KIF21B: variants seen among roughly 807,000 people sequenced by gnomAD.
KIF21B encodes kinesin-like protein KIF21B.
A neutral mutation model predicts 192.9 loss-of-function variants in KIF21B; 85 were observed. The ratio of observed to expected loss-of-function variants is 0.44; its 90% CI spans 0.37 to 0.53. The LOEUF (loss-of-function observed/expected upper bound fraction) is 0.53, where lower values mean the gene tolerates loss of function less well. Among genes scored for constraint, KIF21B ranks in the 20% least tolerant of loss-of-function variants. The pLI is 0.00. For missense variants in KIF21B, 1,716 were observed against 2,194.8 expected (o/e 0.78, Z 4.36); for synonymous variants, 832 against 884.6 (o/e 0.94, Z 1.05).
Position 200,998,597 on chromosome 1 carries a change from C to T in KIF21B, c.1886-22G>A. Reference sequence around the variant, plus strand: ...ACCTCTATGGGGGCACAATCAGGCTCAGCCCAGCGTTAGGGCGAGGGGCAA... The same window carrying T: ...ACCTCTATGGGGGCACAATCAGGCTTAGCCCAGCGTTAGGGCGAGGGGCAA... On this transcript the variant is annotated intron_variant, in intron 13 of 34. Transcript: ENST00000461742. The surrounding 1 kb of genome is among the most constrained non-coding windows in gnomAD (Gnocchi z 4.3). 1 of 1,609,148 alleles carries T rather than the reference C, an allele frequency of 6.2e-7. No individual in the cohort carries two copies.
In KIF21B at chr1:200,979,517, C is replaced by G. The variant is rs556968576; in HGVS notation, c.4160+18G>C. ...CCTGCTGCAGCCGACCACTGTGAGG[C>G]AGGCGGGGGTTACTCACGTGAGAGT... On this transcript the variant is annotated intron_variant, in intron 30 of 34. Coordinates refer to ENST00000461742, the MANE Select transcript of KIF21B (RefSeq NM_001252102.2). The G allele has an allele frequency of 8.6e-6, 13 of 1,507,548 alleles. No homozygotes were observed. The African/African-American group carries it at 1.6e-4, about 18-fold the overall frequency. 93.4% of individuals were successfully genotyped at this position (1,507,548 alleles called of 1,614,324 possible).
intron 28 of KIF21B, 30 bp downstream of exon 28, chr1:200,983,026 A>G (rs1197528984): frequency 2.0e-6 from 3 of 1,533,190 alleles, no homozygotes; most frequent in Non-Finnish European, 1.7e-6. Flanking sequence ...GAGAGTGGGG[A>G]ACCAAACACG....
At chr1:200,973,986 A>C (rs1402229632) in intron 34 of KIF21B, 38 of 1,550,616 alleles carry the variant, frequency 2.5e-5, no homozygotes, top group Non-Finnish European at 2.7e-5. Context: ...AAGAAGAAGG[A>C]GTAAAATAAT....
At chr1:200,992,479 G>A in intron 15 of KIF21B, 90 bp from the exon 16 acceptor site, 1 of 1,343,686 alleles carries the variant, frequency 7.4e-7, no homozygotes, top group Non-Finnish European at 1.1e-6. Flanking sequence ...GAGGGCATGG[G>A]GCAGGGATAG....
intron 27 of KIF21B, among the ~76,000 whole-genome samples, chr1:200,983,742 T>C (rs1298958673): frequency 6.6e-6 from 1 of 152,128 alleles, no homozygotes; most frequent in Non-Finnish European, 1.5e-5. Context: ...CTGTTGATTG[T>C]AACAACATGG....
chr1:200,987,298 G>A (rs963760562), intron 24 of KIF21B, 97 bp from the exon 25 acceptor site: 9 of 1,112,984 alleles, frequency 8.1e-6, no homozygotes, highest in Middle Eastern at 2.2e-4. Flanking sequence ...TTGAGACAGT[G>A]GTGCAAACAT....
intron 30 of KIF21B, among the ~76,000 whole-genome samples, 178 bp downstream of exon 30, chr1:200,979,357 C>CTTGT (rs1242650312): frequency 6.6e-6 from 1 of 152,186 alleles, no homozygotes; most frequent in East Asian, 1.9e-4. Flanking sequence ...CACTGTCTCC[C>CTTGT]AAACCAAGAG....
chr1:200,972,037 A>G lies in KIF21B; in HGVS notation c.*1484T>C, dbSNP rs543504412. On this transcript the variant is annotated 3_prime_UTR_variant, in exon 35 of 35. Transcript: ENST00000461742. ...ACAAGACCAGCGATGCAACGGAAAA[A>G]CAGGGTGGGCAACTTTGGGTGGGGG... The G allele has an allele frequency of 2.2e-5, 3 of 137,142 alleles. No homozygotes were observed. Among genetic ancestry groups the G allele is most frequent in the Non-Finnish European group, 4.7e-5 (3 of 63,950 alleles). 8.5% of individuals were successfully genotyped at this position (137,142 alleles called of 1,614,324 possible).
Position 200,976,870 on chromosome 1 carries a change from G to C in KIF21B, c.4349C>G (p.Thr1450Ser). 1 of 1,611,164 alleles carries C rather than the reference G, an allele frequency of 6.2e-7. No homozygotes were observed. The highest frequency in any genetic ancestry group is 8.5e-7 in the Non-Finnish European group (1 of 1,177,792). Residue 1450 changes from threonine (T) to serine (S), a missense_variant, in exon 32 of 35, where the codon ACT becomes AGT. Around this residue, in one of 3 missense-constraint regions of KIF21B, gnomAD observed 580 missense variants for 775.5 expected, o/e 0.75. Coordinates refer to ENST00000461742, the MANE Select transcript of KIF21B (RefSeq NM_001252102.2). ...GCACATCACAGGGCCGATGTGGCCA[G>C]TCAGCTTGCCGACAGGCTGGAACCT... ...LSRFQPVGKL[T>S]GHIGPVMCLT...
rs545484877 is a variant in KIF21B, at chr1:200,982,604, C to T, written c.3842+452G>A. On this transcript the variant is annotated intron_variant, in intron 28 of 34. Coordinates refer to ENST00000461742, the MANE Select transcript of KIF21B (RefSeq NM_001252102.2). The surrounding 1 kb of genome is among the most constrained non-coding windows in gnomAD (Gnocchi z 4.7). Reference sequence around the variant, plus strand: ...CCCATGGTGCCCCTCCCAGAGCCAACGTCTGAAAAGCTCACCCCCAGCACA... The same window carrying T: ...CCCATGGTGCCCCTCCCAGAGCCAATGTCTGAAAAGCTCACCCCCAGCACA... Among the ~76,000 whole-genome samples the T allele has an allele frequency of 1.6e-3, 239 of 152,196 alleles. No homozygotes were observed. The highest frequency in any genetic ancestry group is 5.7e-3 in the African/African-American group (235 of 41,504).
At position 201,008,175 on chromosome 1, in the gene KIF21B, G is replaced by A. The variant is rs544921765; in HGVS notation, c.447+594C>T. On this transcript the variant is annotated intron_variant, in intron 3 of 34. Coordinates refer to ENST00000461742, the MANE Select transcript of KIF21B (RefSeq NM_001252102.2). The stretch of plus-strand genomic sequence containing the variant: ...TAGGCCCAATGGTCAAGAGCACAGA[G>A]ACCCCCTGCTCCCCACTAAAAGCCC... Among the ~76,000 whole-genome samples, 252 of 152,308 alleles carry A rather than the reference G, an allele frequency of 1.7e-3. 3 individuals carry two copies. Among genetic ancestry groups the A allele is most frequent in the African/African-American group, 5.8e-3 (242 of 41,566 alleles).
At chr1:201,006,152 C>T (rs749985865) in intron 3 of KIF21B, among the ~76,000 whole-genome samples, 4 of 152,214 alleles carry the variant, frequency 2.6e-5, no homozygotes, top group Non-Finnish European at 5.9e-5. Context: ...TCTGAGGTGA[C>T]GACAAGCTCT....
chr1:200,978,327 G>C (rs1246361758), intron 30 of KIF21B, among the ~76,000 whole-genome samples: 1 of 152,056 alleles, frequency 6.6e-6, no homozygotes, highest in Non-Finnish European at 1.5e-5. Context: ...GCGATTACAG[G>C]TGTGAGCCAC....
Position 200,976,859 on chromosome 1 carries a change from C to T in KIF21B, c.4360G>A (p.Gly1454Ser), listed in dbSNP as rs1009930903. 6 of 1,612,540 alleles carry T rather than the reference C, an allele frequency of 3.7e-6. No individual in the cohort carries two copies. In the African/African-American group the frequency reaches 5.3e-5, roughly 14 times the overall value. ...QPVGKLTGHI[G>S]PVMCLTVTQT... Reference sequence around the variant, plus strand: ...GTGACCGTCAGGCACATCACAGGGCCGATGTGGCCAGTCAGCTTGCCGACA... The same window carrying T: ...GTGACCGTCAGGCACATCACAGGGCTGATGTGGCCAGTCAGCTTGCCGACA... Residue 1454 changes from glycine (G) to serine (S), a missense_variant, in exon 32 of 35, where the codon GGC (glycine) becomes AGC (serine). Physicochemically the swap from Gly to Ser is moderately conservative, Grantham distance 56. Around this residue, in one of 3 missense-constraint regions of KIF21B, gnomAD observed 580 missense variants for 775.5 expected, o/e 0.75. Coordinates refer to ENST00000461742, the MANE Select transcript of KIF21B (RefSeq NM_001252102.2).
In KIF21B at chr1:201,023,277, C is replaced by A; in HGVS notation, c.41+66G>T. The A allele has an allele frequency of 7.1e-7, 1 of 1,418,082 alleles. No homozygotes were observed. Among genetic ancestry groups the A allele is most frequent in the Non-Finnish European group, 9.5e-7 (1 of 1,056,948 alleles). The allele number at this position is 1,418,082 out of a possible 1,614,324, so 87.8% of individuals were successfully genotyped here. A position where few individuals can be genotyped will look rare whatever the true frequency, so the allele number is the denominator to read the frequency against. ...CCAAGCGGTGCTCGCGCCCCCCGCCCAAAGCCCACGCGAGACAAAGCCCGA... is the reference window on the plus strand; with the variant it reads ...CCAAGCGGTGCTCGCGCCCCCCGCCAAAAGCCCACGCGAGACAAAGCCCGA... On this transcript the variant is annotated intron_variant, in intron 1 of 34. Transcript: ENST00000461742. This position sits in a 1 kb window ranked among gnomAD's most constrained non-coding sequence, Gnocchi z 5.9.
Position 200,989,041 on chromosome 1 carries a change from CA to C in KIF21B, c.3133-111del. On this transcript the variant is annotated intron_variant, in intron 21 of 34. Transcript: ENST00000461742. Reference sequence around the variant, plus strand: ...CCTTGGAGTGCTCCTTTCCAGCTCCCAACATCACCCTTGTACCTGGCACAGA... The same window carrying C: ...CCTTGGAGTGCTCCTTTCCAGCTCCCACATCACCCTTGTACCTGGCACAGA... The C allele has an allele frequency of 3.6e-6, 4 of 1,110,830 alleles. No homozygotes were observed. In the South Asian group the frequency reaches 4.9e-5, roughly 14 times the overall value. The allele number at this position is 1,110,830 out of a possible 1,614,324, so 68.8% of individuals were successfully genotyped here.
At position 200,989,982 on chromosome 1, in the gene KIF21B, C is replaced by T. The variant is rs767382537; in HGVS notation, c.3092G>A (p.Arg1031His). Residue 1031 changes from arginine (R) to histidine (H), a missense_variant, in exon 21 of 35, where the codon CGC (arginine) becomes CAC (histidine). Arg to His is a conservative substitution (Grantham distance 29). Transcript: ENST00000461742. ...VISSCSLAEA[R>H]LLLDNFLKAS... ...CTTGAGGAAGTTGTCTAGCAGGAGGCGGGCTTCAGCCAGGGAGCAGGAGCT... is the reference window on the plus strand; with the variant it reads ...CTTGAGGAAGTTGTCTAGCAGGAGGTGGGCTTCAGCCAGGGAGCAGGAGCT... The T allele has an allele frequency of 3.7e-6, 6 of 1,613,902 alleles. No individual in the cohort carries two copies. Among genetic ancestry groups the T allele is most frequent in the Admixed American group, 1.7e-5 (1 of 59,990 alleles).
rs144601295 is a variant in KIF21B, at chr1:200,979,672, G to A, written c.4023C>T (p.Ile1341=). The change falls in exon 30 of 35, where the codon ATC becomes ATT. Residue 1341 remains isoleucine, a synonymous_variant. Transcript: ENST00000461742. The stretch of plus-strand genomic sequence containing the variant: ...TGTTGGGGTGGCCCTTTAGAGCTGC[G>A]ATCTCCTGTCCCGTAACCAAGTTCC... ...KMWNLVTGQE[I]AALKGHPNNV... is the part of the protein sequence containing the mutation. The A allele has an allele frequency of 2.5e-6, 4 of 1,578,196 alleles. No homozygotes were observed. The highest frequency in any genetic ancestry group is 1.2e-5 in the South Asian group (1 of 86,516).
At chr1:200,993,272 T>TC (rs1343552855) in intron 15 of KIF21B, among the ~76,000 whole-genome samples, 1 of 152,238 alleles carries the variant, frequency 6.6e-6, no homozygotes, top group East Asian at 1.9e-4. Context: ...TTGGACACCT[T>TC]CCAAGTGACA....
Sources: gnomAD v4.1 joint callset for allele counts (sites outside exome capture counted in the v4.1 genomes callset) on GRCh38, gnomAD v4.1.1 for gene constraint, gnomAD v4.1.1 regional missense constraint, Gnocchi (gnomAD v3.1) non-coding constraint, MANE v1.5 for transcripts, NCBI Gene and HGNC (gene_info 2026-07-23, HGNC 2026-07-21) for gene names.